Variants in GALNT17 observed in about 807,000 individuals in gnomAD.
The protein encoded by GALNT17 is polypeptide N-acetylgalactosaminyltransferase 17, also known as UDP-GalNAc:polypeptide N-acetylgalactosaminyltransferase-like 3.
A neutral mutation model predicts 63.7 loss-of-function variants in GALNT17; 29 were observed. That is an observed-to-expected ratio of 0.46 (90% CI 0.34 to 0.62). The LOEUF (loss-of-function observed/expected upper bound fraction) is 0.62, where lower values mean the gene tolerates loss of function less well. GALNT17 is among the 20% of genes least tolerant of loss of function. GALNT17 has a pLI of 0.01. For missense variants in GALNT17, 603 were observed against 799.6 expected, an observed-to-expected ratio of 0.75 and a Z score of 2.97; for synonymous variants, 305 against 318.3, an observed-to-expected ratio of 0.96 and a Z score of 0.45.
In GALNT17 at chr7:71,156,348, T is replaced by G. The variant is rs1788234267; in HGVS notation, c.238+23308T>G. ...GGGAACTTTGGAAAAAGTACTAATTTCCAGATTCCTCAAGCTGGAGGTTCA... is the reference window on the plus strand; with the variant it reads ...GGGAACTTTGGAAAAAGTACTAATTGCCAGATTCCTCAAGCTGGAGGTTCA... On this transcript the variant is annotated intron_variant, in intron 1 of 10. Coordinates refer to ENST00000333538, the MANE Select transcript of GALNT17 (RefSeq NM_022479.3). Among the ~76,000 whole-genome samples, 3 of 151,940 alleles carry G rather than the reference T, an allele frequency of 2.0e-5. No individual in the cohort carries two copies. The South Asian group carries it at 6.2e-4, about 32-fold the overall frequency.
intron 1 of GALNT17, among the ~76,000 whole-genome samples, chr7:71,202,953 T>C (rs1265213449): frequency 6.6e-6 from 1 of 152,190 alleles, no homozygotes; most frequent in Non-Finnish European, 1.5e-5. Flanking sequence ...GATTTCCTTC[T>C]TTATAAAGGC....
At chr7:71,468,938 C>T (rs1787582777) in intron 5 of GALNT17, among the ~76,000 whole-genome samples, 1 of 152,134 alleles carries the variant, frequency 6.6e-6, no homozygotes, top group Non-Finnish European at 1.5e-5. Flanking sequence ...GAAGCTCTTG[C>T]CTCTGGAAGG....
At chr7:71,299,027 A>C (rs978577477) in intron 1 of GALNT17, among the ~76,000 whole-genome samples, 1 of 152,092 alleles carries the variant, frequency 6.6e-6, no homozygotes, top group Non-Finnish European at 1.5e-5. Flanking sequence ...TCGGAGTTCC[A>C]AATGTGAGAG....
chr7:71,678,992 T>G (rs1182399510), intron 9 of GALNT17, among the ~76,000 whole-genome samples: 2 of 151,868 alleles, frequency 1.3e-5, no homozygotes, highest in Non-Finnish European at 2.9e-5. Flanking sequence ...GCGATCCATT[T>G]AAATCCAAGT....
intron 9 of GALNT17, among the ~76,000 whole-genome samples, chr7:71,710,091 T>C (rs1791771028): frequency 6.6e-6 from 1 of 152,178 alleles, no homozygotes; most frequent in African/African-American, 2.4e-5. Flanking sequence ...TTGTTCAAGG[T>C]GGCCCAGCCA....
At chr7:71,143,422 A>G (rs1252398123) in intron 1 of GALNT17, among the ~76,000 whole-genome samples, 24 of 151,524 alleles carry the variant, frequency 1.6e-4, no homozygotes, top group African/African-American at 5.1e-4. Flanking sequence ...AAAAAAAAAA[A>G]AAAGAAAGAA....
intron 1 of GALNT17, among the ~76,000 whole-genome samples, chr7:71,265,116 A>AT (rs1562957669): frequency 2.7e-4 from 16 of 59,030 alleles, no homozygotes; most frequent in African/African-American, 9.6e-4. Flanking sequence ...ATATATATAT[A>AT]TATTTTTTTT....
intron 1 of GALNT17, among the ~76,000 whole-genome samples, chr7:71,169,704 T>C (rs1380835055): frequency 6.6e-6 from 1 of 152,034 alleles, no homozygotes; most frequent in Non-Finnish European, 1.5e-5. Context: ...TACAGGTGCA[T>C]GCCATCACGC....
At chr7:71,664,681 A>G (rs772418016) in intron 6 of GALNT17, among the ~76,000 whole-genome samples, 20 of 152,278 alleles carry the variant, frequency 1.3e-4, no homozygotes, top group Non-Finnish European at 2.8e-4. Context: ...ATGAATAAAG[A>G]TCTGTTTCTT....
intron 5 of GALNT17, among the ~76,000 whole-genome samples, chr7:71,508,723 G>A (rs1788305390): frequency 6.6e-6 from 1 of 152,084 alleles, no homozygotes; most frequent in Non-Finnish European, 1.5e-5. Flanking sequence ...GGACCCTGGA[G>A]GGCGTTTTAC....
intron 6 of GALNT17, among the ~76,000 whole-genome samples, chr7:71,656,123 G>A (rs894749040): frequency 1.3e-5 from 2 of 152,116 alleles, no homozygotes; most frequent in African/African-American, 4.8e-5. Flanking sequence ...TATGTTCCAG[G>A]CACAGTGCTG....
At chr7:71,411,053 G>A (rs1025503565) in intron 3 of GALNT17, among the ~76,000 whole-genome samples, 1 of 152,182 alleles carries the variant, frequency 6.6e-6, no homozygotes, top group Admixed American at 6.5e-5. Context: ...TTTTCTTAGT[G>A]TTCTTATAAT....
At chr7:71,463,773 G>C (rs1044687081) in intron 5 of GALNT17, among the ~76,000 whole-genome samples, 3 of 152,204 alleles carry the variant, frequency 2.0e-5, no homozygotes, top group African/African-American at 7.2e-5. Flanking sequence ...GGAGCTGGTA[G>C]GAGTGTCTCT....
At chr7:71,692,184 A>G (rs1232906275) in intron 9 of GALNT17, among the ~76,000 whole-genome samples, 1 of 152,072 alleles carries the variant, frequency 6.6e-6, no homozygotes, top group Non-Finnish European at 1.5e-5. Flanking sequence ...TCAGCTTCCC[A>G]AAGTGCTGGG....
At chr7:71,671,863 G>GAT (rs1315072588) in intron 8 of GALNT17, among the ~76,000 whole-genome samples, 1 of 151,790 alleles carries the variant, frequency 6.6e-6, no homozygotes, top group African/African-American at 2.4e-5. Flanking sequence ...TGTCTATATA[G>GAT]ATATATATAT....
chr7:71,497,239 T>A (rs1178494386), intron 5 of GALNT17, among the ~76,000 whole-genome samples: 2 of 152,206 alleles, frequency 1.3e-5, no homozygotes, highest in African/African-American at 4.8e-5. Flanking sequence ...AATCCACTAA[T>A]GCTGCCATAA....
chr7:71,673,036 A>G (rs766131104), intron 8 of GALNT17, among the ~76,000 whole-genome samples: 9 of 152,060 alleles, frequency 5.9e-5, no homozygotes, highest in Non-Finnish European at 1.0e-4. Context: ...ACAAAGATTC[A>G]TTTTTTGTGT....
In GALNT17 at chr7:71,692,733, T is replaced by C. The variant is rs542616398; in HGVS notation, c.1500+15427T>C. Among the ~76,000 whole-genome samples, 7 of 71,060 alleles carry C rather than the reference T, an allele frequency of 9.9e-5. No individual in the cohort carries two copies. The South Asian group carries it at 6.0e-3, about 61-fold the overall frequency. 46.6% of individuals were successfully genotyped at this position (71,060 alleles called of 152,430 possible). On this transcript the variant is annotated intron_variant, in intron 9 of 10. Transcript: ENST00000333538. ...GTACTTTTTAATTTTTTTATTTTTA[T>C]TCTATTTTTTTTTTTTTATTTTTGA... is the stretch of plus-strand genomic sequence containing the variant.
intron 5 of GALNT17, among the ~76,000 whole-genome samples, chr7:71,567,089 A>G (rs1401750371): frequency 1.3e-5 from 2 of 152,160 alleles, no homozygotes; most frequent in South Asian, 2.1e-4. Context: ...CAGAGGAAAC[A>G]TAATTTGTCC....
Sources: allele counts gnomAD v4.1 joint callset (sites outside exome capture counted in the v4.1 genomes callset), GRCh38; gene constraint gnomAD v4.1.1; transcripts MANE v1.5; gene names NCBI Gene and HGNC (gene_info 2026-07-23, HGNC 2026-07-21).